GABRP: variants seen among roughly 807,000 people sequenced by gnomAD.
GABRP encodes gamma-aminobutyric acid receptor subunit pi.
Under a neutral mutation model 47.8 loss-of-function variants are expected in GABRP, and 52 were observed. The observed-to-expected ratio is 1.09, with a 90% CI of 0.87 to 1.37. The LOEUF (loss-of-function observed/expected upper bound fraction) is 1.37, where lower values mean the gene tolerates loss of function less well. Among genes scored for constraint, GABRP ranks in the 40% most tolerant of loss-of-function variants. The probability of loss-of-function intolerance (pLI) is 0.00; values close to 1 mark genes in which losing one functional copy is unlikely to be tolerated. For synonymous variants in GABRP, 221 were observed against 205.8 expected (o/e 1.07, Z -0.63); for missense variants, 525 against 542.8 (o/e 0.97, Z 0.33).
At chr5:170,798,313 T>C (rs975521161) in intron 6 of GABRP, among the ~76,000 whole-genome samples, 11 of 152,178 alleles carry the variant, frequency 7.2e-5, no homozygotes, top group African/African-American at 2.7e-4. Context: ...AGTGCTGAGA[T>C]TACAGGCGTG....
At chr5:170,805,623 C>A (rs1765711519) in intron 6 of GABRP, 93 bp from the exon 7 acceptor site, 1 of 1,363,002 alleles carries the variant, frequency 7.3e-7, no homozygotes, top group East Asian at 2.3e-5. Context: ...GAAGAAAGAA[C>A]TCATGCTGTC....
chr5:170,809,146 A>G (rs1373881532), intron 8 of GABRP, among the ~76,000 whole-genome samples: 1 of 152,170 alleles, frequency 6.6e-6, no homozygotes, highest in Non-Finnish European at 1.5e-5. Flanking sequence ...CACGTTGCCC[A>G]GGCTGGTCCT....
intron 3 of GABRP, among the ~76,000 whole-genome samples, chr5:170,793,916 G>A (rs2127254550): frequency 6.6e-6 from 1 of 152,168 alleles, no homozygotes; most frequent in Non-Finnish European, 1.5e-5. Context: ...GCCTGGGCAA[G>A]AAGAGTGAAA....
intron 7 of GABRP, 57 bp from the exon 8 acceptor site, chr5:170,808,543 A>G (rs1765794189): frequency 6.6e-7 from 1 of 1,519,360 alleles, no homozygotes; most frequent in South Asian, 1.2e-5. Flanking sequence ...CATCCCATAG[A>G]GAAACCACTT....
intron 6 of GABRP, 60 bp from the exon 7 acceptor site, chr5:170,805,656 A>G (rs1765713104): frequency 6.3e-7 from 1 of 1,589,842 alleles, no homozygotes; most frequent in Non-Finnish European, 8.6e-7. Flanking sequence ...CATTTTCCAG[A>G]CCAGACCAGT....
Position 170,789,212 on chromosome 5 carries a change from CA to C in GABRP, c.138del (p.Gly47AspfsTer17). On this transcript the variant is annotated frameshift_variant, in exon 3 of 10. Coordinates refer to ENST00000265294, the MANE Select transcript of GABRP (RefSeq NM_014211.3). LOFTEE classifies it high-confidence loss of function. ...LSLPGFENLTAGYNKFLRPNF... is the reference protein window; with the variant it reads ...LSLPGFENLTXGYNKFLRPNF... Reference sequence around the variant, plus strand: ...CTGCCTGGCTTTGAGAACCTCACAGCAGGATATAACAAATTTCTCAGGCCCA... The same window carrying C: ...CTGCCTGGCTTTGAGAACCTCACAGCGGATATAACAAATTTCTCAGGCCCA... 6.2e-7 allele frequency: 1 copy of C among 1,614,056 alleles called. No homozygotes were observed. Among genetic ancestry groups the C allele is most frequent in the South Asian group, 1.1e-5 (1 of 91,068 alleles).
At chr5:170,782,947 AG>A, upstream of GABRP, 1 of 152,438 alleles carries the variant, frequency 6.6e-6, no homozygotes, top group Middle Eastern at 3.4e-3. Flanking sequence ...GGCTATGATG[AG>A]GGGATGACCC....
Position 170,813,192 on chromosome 5 carries a change from T to G in GABRP, c.*934T>G, listed in dbSNP as rs1006678581. The G allele has an allele frequency of 1.3e-5, 2 of 152,210 alleles. No homozygotes were observed. Among genetic ancestry groups the G allele is most frequent in the African/African-American group, 4.8e-5 (2 of 41,454 alleles). The allele number at this position is 152,210 out of a possible 1,614,324, so 9.4% of individuals were successfully genotyped here. The stretch of plus-strand genomic sequence containing the variant: ...TGATGGGGTACTAAAAGTACTGGGT[T>G]GACTCAGAGAGTCGCTGTCATTCTG... On this transcript the variant is annotated 3_prime_UTR_variant, in exon 10 of 10. Transcript: ENST00000265294.
At chr5:170,794,112 A>G in intron 3 of GABRP, 119 bp from the exon 4 acceptor site, 1 of 548,922 alleles carries the variant, frequency 1.8e-6, no homozygotes, top group Non-Finnish European at 2.9e-6. Context: ...AGAATATTTA[A>G]ATTTTTCTAA....
At chr5:170,795,515 A>T in intron 5 of GABRP, 90 bp downstream of exon 5, 1 of 1,025,986 alleles carries the variant, frequency 9.7e-7, no homozygotes, top group Non-Finnish European at 1.5e-6. Context: ...CCAGAACTCA[A>T]ATAGCCACTG....
chr5:170,793,800 C>A (rs1457141074), intron 3 of GABRP, among the ~76,000 whole-genome samples: 1 of 152,120 alleles, frequency 6.6e-6, no homozygotes, highest in Non-Finnish European at 1.5e-5. Context: ...GGCTTGGTGG[C>A]ACATGCCTGT....
chr5:170,812,174 T>A lies in GABRP; in HGVS notation c.1239T>A (p.Asn413Lys). The A allele has an allele frequency of 6.2e-7, 1 of 1,614,064 alleles. No individual in the cohort carries two copies. The highest frequency in any genetic ancestry group is 8.5e-7 in the Non-Finnish European group (1 of 1,179,950). ...VDYFTIQNPS[N>K]VDHYSKLLFP... ...ATTTCACAATTCAAAACCCCAGTAA[T>A]GTTGATCACTATTCCAAACTACTGT... is the stretch of plus-strand genomic sequence containing the variant. The change falls in exon 10 of 10, where the codon AAT becomes AAA. Residue 413 changes from asparagine to lysine, a missense_variant. Coordinates refer to ENST00000265294, the MANE Select transcript of GABRP (RefSeq NM_014211.3).
At chr5:170,794,964 T>G (rs1024508682) in intron 4 of GABRP, among the ~76,000 whole-genome samples, 4 of 149,398 alleles carry the variant, frequency 2.7e-5, no homozygotes, top group African/African-American at 7.4e-5. Context: ...TAAGGCGATT[T>G]GTTCTCTTAT....
intron 4 of GABRP, chr5:170,794,514 T>C (rs1470308815): frequency 2.7e-6 from 1 of 372,330 alleles, no homozygotes; most frequent in Admixed American, 4.4e-5. Context: ...TGGAAGATTC[T>C]TGTAGAGCAG....
At chr5:170,805,448 T>C (rs1192206218) in intron 6 of GABRP, among the ~76,000 whole-genome samples, 1 of 151,886 alleles carries the variant, frequency 6.6e-6, no homozygotes, top group African/African-American at 2.4e-5. Context: ...AGGCCACTTC[T>C]AATGACTTAT....
chr5:170,809,487 C>A, intron 8 of GABRP, 81 bp from the exon 9 acceptor site: 2 of 1,424,632 alleles, frequency 1.4e-6, no homozygotes, highest in South Asian at 1.2e-5. Context: ...CCTGCCAATT[C>A]TCAAATGGGG....
At position 170,809,624 on chromosome 5, in the gene GABRP, CCCAACA is replaced by C; in HGVS notation, c.895_900del (p.Thr299_Asn300del). 6.2e-7 allele frequency: 1 copy of C among 1,614,184 alleles called. No individual in the cohort carries two copies. Among genetic ancestry groups the C allele is most frequent in the Non-Finnish European group, 8.5e-7 (1 of 1,180,034 alleles). On this transcript the variant is annotated inframe_deletion, in exon 9 of 10. Coordinates refer to ENST00000265294, the MANE Select transcript of GABRP (RefSeq NM_014211.3). ...GATGATCGGGTCCCGCACTTCTCTTCCCAACACCAACTGCTTCATCAAGGCCATCGA... is the reference window on the plus strand; with the variant it reads ...GATGATCGGGTCCCGCACTTCTCTTCCCAACTGCTTCATCAAGGCCATCGA...
At position 170,812,222 on chromosome 5, in the gene GABRP, C is replaced by T; in HGVS notation, c.1287C>T (p.Ala429=). ...KLLFPLIFML[A]NVFYWAYYMY... ...TGTTTCCTTTGATTTTTATGCTAGC[C>T]AATGTATTTTACTGGGCATACTACA... Residue 429 remains alanine (A), a synonymous_variant, in exon 10 of 10, where the codon GCC becomes GCT. Transcript: ENST00000265294. 1 of 1,613,630 alleles carries T rather than the reference C, an allele frequency of 6.2e-7. No individual in the cohort carries two copies. Among genetic ancestry groups the T allele is most frequent in the Middle Eastern group, 1.6e-4 (1 of 6,062 alleles).
Position 170,789,143 on chromosome 5 carries a change from G to A in GABRP, c.68G>A (p.Gly23Glu), listed in dbSNP as rs1765199349. Reference sequence around the variant, plus strand: ...TTCTTTTCCAGGATGTGCATCCAGGGGAGTCAGTTCAACGTCGAGGTCGGC... The same window carrying A: ...TTCTTTTCCAGGATGTGCATCCAGGAGAGTCAGTTCAACGTCGAGGTCGGC... Reference protein sequence around the residue: ...SLFTERMCIQGSQFNVEVGRS... With the variant: ...SLFTERMCIQESQFNVEVGRS... The change falls in exon 3 of 10, where the codon GGG (glycine) becomes GAG (glutamate). Residue 23 changes from glycine to glutamate, a missense_variant. By Grantham distance (98) the Gly-to-Glu change is moderately conservative. Transcript: ENST00000265294. 1.2e-6 allele frequency: 2 copies of A among 1,613,858 alleles called. No homozygotes were observed. The highest frequency in any genetic ancestry group is 8.5e-7 in the Non-Finnish European group (1 of 1,179,764).
Sources: gnomAD v4.1 joint callset for allele counts (sites outside exome capture counted in the v4.1 genomes callset) on GRCh38, gnomAD v4.1.1 for gene constraint, MANE v1.5 for transcripts, NCBI Gene and HGNC (gene_info 2026-07-23, HGNC 2026-07-21) for gene names.